The following TTC28 variants were observed in gnomAD, a reference collection of about 807,000 sequenced individuals.
TTC28 encodes the protein tetratricopeptide repeat domain 28, also known as tetratricopeptide repeat protein 28.
A neutral mutation model predicts 198.0 loss-of-function variants in TTC28; 61 were observed. That is an observed-to-expected ratio of 0.31 (90% confidence interval 0.25 to 0.38). The LOEUF is 0.38. Ranked by LOEUF, TTC28 falls within the 10% of genes least tolerant of loss-of-function variation. The pLI is 1.00. For missense variants in TTC28, 2,678 were observed against 3,164.0 expected (o/e 0.85, Z 3.69); for synonymous variants, 1,171 against 1,297.8 (o/e 0.90, Z 2.10).
At chr22:28,495,911 G>A (rs1437989448) in intron 2 of TTC28, among the ~76,000 whole-genome samples, 2 of 151,850 alleles carry the variant, frequency 1.3e-5, no homozygotes, top group East Asian at 1.9e-4. Context: ...CTTTCACCCC[G>A]CCACTCCACC....
chr22:28,019,187 C>T (rs956365554), intron 13 of TTC28, among the ~76,000 whole-genome samples: 5 of 152,228 alleles, frequency 3.3e-5, no homozygotes, highest in African/African-American at 1.2e-4. Context: ...TGTCACTTCC[C>T]TCTTTTCCTT....
chr22:28,540,930 C>A (rs933368430), intron 2 of TTC28, among the ~76,000 whole-genome samples: 1 of 152,166 alleles, frequency 6.6e-6, no homozygotes, highest in African/African-American at 2.4e-5. Context: ...CAAATGGAAT[C>A]ATCTCACTCC....
At chr22:28,492,377 G>C (rs1229527121) in intron 2 of TTC28, among the ~76,000 whole-genome samples, 2 of 152,122 alleles carry the variant, frequency 1.3e-5, no homozygotes, top group African/African-American at 4.8e-5. Flanking sequence ...TTGCTCATAA[G>C]AAGTTAGTTA....
chr22:28,071,657 G>A (rs1476584478), intron 12 of TTC28, among the ~76,000 whole-genome samples: 1 of 138,380 alleles, frequency 7.2e-6, no homozygotes, highest in Admixed American at 7.8e-5. Context: ...TGGGTGCAGC[G>A]CACCAGCATG....
At chr22:28,018,286 TGCGC>T (rs1159883410) in intron 13 of TTC28, among the ~76,000 whole-genome samples, 32 of 97,308 alleles carry the variant, frequency 3.3e-4, no homozygotes, top group African/African-American at 9.5e-4. Context: ...TGTATGTGTG[TGCGC>T]GCGTGTGTGC....
intron 2 of TTC28, among the ~76,000 whole-genome samples, chr22:28,355,270 G>A (rs879293704): frequency 6.6e-6 from 1 of 151,936 alleles, no homozygotes; most frequent in African/African-American, 2.4e-5. Context: ...ATAAATTGAA[G>A]ATATTTTCTT....
intron 2 of TTC28, among the ~76,000 whole-genome samples, chr22:28,380,897 T>A (rs911488183): frequency 6.6e-6 from 1 of 152,132 alleles, no homozygotes; most frequent in African/African-American, 2.4e-5. Flanking sequence ...TTTACAGGAA[T>A]CATAACCTCT....
At chr22:28,384,415 T>C (rs2046542581) in intron 2 of TTC28, among the ~76,000 whole-genome samples, 1 of 152,180 alleles carries the variant, frequency 6.6e-6, no homozygotes, top group Non-Finnish European at 1.5e-5. Context: ...CGCTCCTCTT[T>C]ACTTACTTTA....
chr22:28,374,316 GA>G (rs1364615755), intron 2 of TTC28, among the ~76,000 whole-genome samples: 1 of 152,132 alleles, frequency 6.6e-6, no homozygotes, highest in African/African-American at 2.4e-5. Flanking sequence ...AACAGTAACA[GA>G]AAAATTATGT....
chr22:28,221,803 T>A (rs1927890919), intron 5 of TTC28, among the ~76,000 whole-genome samples: 1 of 152,220 alleles, frequency 6.6e-6, no homozygotes, highest in African/African-American at 2.4e-5. Context: ...GGGTCCACTG[T>A]CCAGACCTCT....
intron 2 of TTC28, among the ~76,000 whole-genome samples, chr22:28,435,196 G>A (rs1307576344): frequency 3.3e-5 from 5 of 152,098 alleles, no homozygotes; most frequent in Admixed American, 3.3e-4. Flanking sequence ...TTCTTAAAAT[G>A]CATGCAAAAA....
intron 5 of TTC28, among the ~76,000 whole-genome samples, chr22:28,230,674 T>C (rs1928733199): frequency 1.3e-5 from 2 of 152,178 alleles, no homozygotes; most frequent in Admixed American, 1.3e-4. Flanking sequence ...AATAGGATAT[T>C]TTCCCTTAGA....
At chr22:28,255,067 C>G (rs1488324158) in intron 5 of TTC28, among the ~76,000 whole-genome samples, 1 of 152,160 alleles carries the variant, frequency 6.6e-6, no homozygotes, top group Non-Finnish European at 1.5e-5. Context: ...AACAAGTCCT[C>G]AACTGGTGAA....
chr22:28,373,789 G>C (rs1466369006), intron 2 of TTC28, among the ~76,000 whole-genome samples: 2 of 148,260 alleles, frequency 1.3e-5, no homozygotes, highest in Non-Finnish European at 3.0e-5. Flanking sequence ...CTCTCTGTAA[G>C]GATACTACAG....
At chr22:28,311,098 G>C (rs146069824) in intron 2 of TTC28, among the ~76,000 whole-genome samples, 1 of 151,934 alleles carries the variant, frequency 6.6e-6, no homozygotes, top group Non-Finnish European at 1.5e-5. Context: ...ATTCTTAGTC[G>C]ATATTTCAAA....
intron 2 of TTC28, among the ~76,000 whole-genome samples, chr22:28,550,005 A>G (rs1472996481): frequency 6.6e-6 from 1 of 152,208 alleles, no homozygotes; most frequent in Non-Finnish European, 1.5e-5. Flanking sequence ...ATTTTAGTCC[A>G]GTGAGGATTG....
intron 2 of TTC28, among the ~76,000 whole-genome samples, chr22:28,307,841 T>C (rs996045171): frequency 6.6e-6 from 1 of 152,198 alleles, no homozygotes; most frequent in Non-Finnish European, 1.5e-5. Context: ...ATTGTATTCA[T>C]GGGATCTAAA....
intron 2 of TTC28, among the ~76,000 whole-genome samples, chr22:28,510,780 C>T (rs544952401): frequency 2.6e-4 from 39 of 152,152 alleles, no homozygotes; most frequent in Non-Finnish European, 4.9e-4. Flanking sequence ...CCAAAAGCTT[C>T]CTAAGCTAAA....
At chr22:28,595,939 A>C (rs370319863) in intron 2 of TTC28, among the ~76,000 whole-genome samples, 2 of 152,070 alleles carry the variant, frequency 1.3e-5, no homozygotes, top group Non-Finnish European at 2.9e-5. Context: ...TAATAATAAC[A>C]TGTAAGTCAC....
Sources: allele counts gnomAD v4.1 joint callset (sites outside exome capture counted in the v4.1 genomes callset), GRCh38; gene constraint gnomAD v4.1.1; transcripts MANE v1.5; gene names NCBI Gene and HGNC (gene_info 2026-07-23, HGNC 2026-07-21).